The following MAP3K4 variants were observed in gnomAD, a reference collection of about 807,000 sequenced individuals.
MAP3K4 encodes mitogen-activated protein kinase kinase kinase 4.
Under a neutral mutation model 185.6 loss-of-function variants are expected in MAP3K4, and 67 were observed. The observed-to-expected ratio is 0.36, with a 90% CI of 0.30 to 0.44. The LOEUF (loss-of-function observed/expected upper bound fraction) is 0.44, where lower values mean the gene tolerates loss of function less well. Ranked by LOEUF, MAP3K4 falls within the 20% of genes least tolerant of loss-of-function variation. The pLI is 1.00. For synonymous variants in MAP3K4, 702 were observed against 710.4 expected (o/e 0.99, Z 0.19); for missense variants, 1,551 against 1,995.1 (o/e 0.78, Z 4.24).
intron 1 of MAP3K4, among the ~76,000 whole-genome samples, chr6:160,992,504 A>G (rs1780778673): frequency 1.3e-5 from 2 of 152,138 alleles, no homozygotes; most frequent in African/African-American, 4.8e-5. Flanking sequence ...ACATTCGGAA[A>G]TCGAGTGCGT....
chr6:161,095,817 A>G (rs1442621027), intron 15 of MAP3K4, among the ~76,000 whole-genome samples: 2 of 152,112 alleles, frequency 1.3e-5, no homozygotes, highest in Non-Finnish European at 2.9e-5. Context: ...AGCTATTTGA[A>G]TTTTCTTTCC....
In MAP3K4 at chr6:161,070,427, A is replaced by G. The variant is rs1313293316; in HGVS notation, c.1708-181A>G. Among the ~76,000 whole-genome samples the G allele has an allele frequency of 6.6e-6, 1 of 152,098 alleles. No individual in the cohort carries two copies. Among genetic ancestry groups the G allele is most frequent in the Non-Finnish European group, 1.5e-5 (1 of 68,018 alleles). ...TTCCAGCATTCTTAGAACTTTTTGG[A>G]TCTATGTTGAAAATGTTGAAGTTAT... is the stretch of plus-strand genomic sequence containing the variant. On this transcript the variant is annotated intron_variant, in intron 3 of 26. Coordinates refer to ENST00000392142, the MANE Select transcript of MAP3K4 (RefSeq NM_005922.4). This position sits in a 1 kb window ranked among gnomAD's most constrained non-coding sequence, Gnocchi z 4.5.
rs999014212 is a variant in MAP3K4 at position 161,048,422 on chromosome 6, A to C, written c.344-194A>C. On this transcript the variant is annotated intron_variant, in intron 2 of 26. Transcript: ENST00000392142. The surrounding 1 kb of genome is among the most constrained non-coding windows in gnomAD (Gnocchi z 4.7). ...ACAGCAAATACTGGAAAAATGGATA[A>C]TTTTTTTTAAAATATAGAAAATGTC... 3.1e-5 allele frequency: 19 copies of C among 610,264 alleles called. No individual in the cohort carries two copies. In the African/African-American group the frequency reaches 3.2e-4, roughly 10 times the overall value. 37.8% of individuals were successfully genotyped at this position (610,264 alleles called of 1,614,324 possible).
intron 1 of MAP3K4, among the ~76,000 whole-genome samples, chr6:161,018,810 C>T (rs1413797647): frequency 6.6e-6 from 1 of 151,784 alleles, no homozygotes; most frequent in African/African-American, 2.4e-5. Flanking sequence ...TAATTAGGCT[C>T]AAGTATTTAA....
At chr6:161,032,975 T>A (rs1167692520) in intron 1 of MAP3K4, among the ~76,000 whole-genome samples, 1 of 152,216 alleles carries the variant, frequency 6.6e-6, no homozygotes, top group African/African-American at 2.4e-5. Flanking sequence ...CTATTAGGGA[T>A]CTTTTGTAGA....
intron 1 of MAP3K4, among the ~76,000 whole-genome samples, chr6:161,032,448 G>A (rs767519360): frequency 4.6e-5 from 7 of 152,188 alleles, no homozygotes; most frequent in Non-Finnish European, 8.8e-5. Context: ...ATAGGAATAA[G>A]TATTTATAAG....
rs937819994 is a variant in MAP3K4, at chr6:161,048,804, T to C, written c.532T>C (p.Ser178Pro). 1 of 1,614,128 alleles carries C rather than the reference T, an allele frequency of 6.2e-7. No individual in the cohort carries two copies. Among genetic ancestry groups the C allele is most frequent in the South Asian group, 1.1e-5 (1 of 91,088 alleles). Residue 178 changes from serine (S) to proline (P), a missense_variant, in exon 3 of 27, where the codon TCA becomes CCA. Physicochemically the swap from Ser to Pro is moderately conservative, Grantham distance 74 (BLOSUM62 -1). This residue lies in a region of MAP3K4 where 287 missense variants were observed against 268.8 expected (regional missense o/e 1.07). Coordinates refer to ENST00000392142, the MANE Select transcript of MAP3K4 (RefSeq NM_005922.4). The surrounding 1 kb of genome is among the most constrained non-coding windows in gnomAD (Gnocchi z 4.7). ...AGTGGGTGGATCTTTGCCAAAAAAA[T>C]CAATTCCAGATGTGGATCTCAATAA... The part of the protein sequence containing the change: ...DSVGGSLPKK[S>P]IPDVDLNKPY...
intron 1 of MAP3K4, among the ~76,000 whole-genome samples, chr6:161,004,731 A>G (rs563701408): frequency 2.4e-4 from 36 of 152,380 alleles, no homozygotes; most frequent in Middle Eastern, 6.8e-3. Flanking sequence ...GAAAGTAAAC[A>G]TAAGTGGTAA....
In MAP3K4 at chr6:161,108,193, G is replaced by A. The variant is rs1319059747; in HGVS notation, c.4119+224G>A. Among the ~76,000 whole-genome samples, 2 of 152,230 alleles carry A rather than the reference G, an allele frequency of 1.3e-5. No individual in the cohort carries two copies. The highest frequency in any genetic ancestry group is 4.8e-5 in the African/African-American group (2 of 41,460). The stretch of plus-strand genomic sequence containing the variant: ...TAATAAGTCACAGACAGTTCTAACA[G>A]CACAGGTGTGAGAAGGGCCTATGAG... On this transcript the variant is annotated intron_variant, in intron 21 of 26. Coordinates refer to ENST00000392142, the MANE Select transcript of MAP3K4 (RefSeq NM_005922.4). This position sits in a 1 kb window ranked among gnomAD's most constrained non-coding sequence, Gnocchi z 5.7.
chr6:161,057,742 T>C (rs1784308491), intron 3 of MAP3K4, among the ~76,000 whole-genome samples: 1 of 152,254 alleles, frequency 6.6e-6, no homozygotes. Context: ...AGTTAACTTA[T>C]TACTTGTTTC....
rs564024225 is a variant in MAP3K4, at chr6:161,114,427, C to T, written c.4627-696C>T. On this transcript the variant is annotated intron_variant, in intron 25 of 26. Coordinates refer to ENST00000392142, the MANE Select transcript of MAP3K4 (RefSeq NM_005922.4). This position sits in a 1 kb window ranked among gnomAD's most constrained non-coding sequence, Gnocchi z 4.3. ...ATTATAATGTAGCTATGCCTTGCAG[C>T]TGCTGAAACAGATCACATATAAGTG... Among the ~76,000 whole-genome samples the T allele has an allele frequency of 3.0e-4, 45 of 152,280 alleles. 1 individual carries two copies. In the South Asian group the frequency reaches 8.1e-3, roughly 27 times the overall value.
intron 13 of MAP3K4, 60 bp downstream of exon 13, chr6:161,092,203 T>C: frequency 1.3e-6 from 2 of 1,588,100 alleles, no homozygotes; most frequent in East Asian, 2.2e-5. Context: ...TATTTGTTCA[T>C]ATATGTTCTG....
Position 160,991,809 on chromosome 6 carries a change from C to T in MAP3K4, c.-123C>T, listed in dbSNP as rs898272642. On this transcript the variant is annotated 5_prime_UTR_variant, in exon 1 of 27. The change creates a new upstream start codon in the 5' untranslated region. Transcript: ENST00000392142. The surrounding 1 kb of genome is among the most constrained non-coding windows in gnomAD (Gnocchi z 5.7). Reference sequence around the variant, plus strand: ...GTTTCCAAGATGGCCGCGGCGCGCACGGCTCCTGCGGCGGGGTAGAGGCGG... The same window carrying T: ...GTTTCCAAGATGGCCGCGGCGCGCATGGCTCCTGCGGCGGGGTAGAGGCGG... The T allele has an allele frequency of 1.4e-5, 16 of 1,114,280 alleles. No homozygotes were observed. Among genetic ancestry groups the T allele is most frequent in the South Asian group, 1.3e-4 (6 of 46,352 alleles). 69.0% of individuals were successfully genotyped at this position (1,114,280 alleles called of 1,614,324 possible).
intron 1 of MAP3K4, among the ~76,000 whole-genome samples, chr6:161,000,962 TAA>T: frequency 3.6e-5 from 5 of 138,202 alleles, no homozygotes; most frequent in Middle Eastern, 4.1e-3. Context: ...ATATTATATA[TAA>T]TATACACATA....
chr6:161,036,234 G>T (rs1783159988), intron 2 of MAP3K4, among the ~76,000 whole-genome samples: 1 of 152,154 alleles, frequency 6.6e-6, no homozygotes, highest in Non-Finnish European at 1.5e-5. Flanking sequence ...GCCAGAAGGA[G>T]CCTCAGAGAT....
At position 161,034,459 on chromosome 6, in the gene MAP3K4, G is replaced by C. The variant is rs9458105; in HGVS notation, c.343+10G>C. 2 of 1,612,054 alleles carry C rather than the reference G, an allele frequency of 1.2e-6. No individual in the cohort carries two copies. Among genetic ancestry groups the C allele is most frequent in the Non-Finnish European group, 1.7e-6 (2 of 1,178,564 alleles). On this transcript the variant is annotated intron_variant, in intron 2 of 26. Coordinates refer to ENST00000392142, the MANE Select transcript of MAP3K4 (RefSeq NM_005922.4). The surrounding 1 kb of genome is among the most constrained non-coding windows in gnomAD (Gnocchi z 4.4). ...CGGTCTAATTTGAAAGGTGAGTCTT[G>C]TACTTGAAAAGAGGTGTACATGAGA...
intron 1 of MAP3K4, among the ~76,000 whole-genome samples, chr6:161,000,781 C>A (rs1781234400): frequency 6.7e-6 from 1 of 148,808 alleles, no homozygotes; most frequent in African/African-American, 2.5e-5. Flanking sequence ...ATGTGTACAC[C>A]CATATATACA....
chr6:161,085,044 G>A (rs1583212547), intron 7 of MAP3K4, among the ~76,000 whole-genome samples: 1 of 152,020 alleles, frequency 6.6e-6, no homozygotes, highest in Admixed American at 6.6e-5. Flanking sequence ...CTATTCAGGA[G>A]GCTGAGGCAG....
intron 6 of MAP3K4, among the ~76,000 whole-genome samples, chr6:161,081,490 G>A (rs1032484049): frequency 6.6e-6 from 1 of 152,216 alleles, no homozygotes; most frequent in African/African-American, 2.4e-5. Flanking sequence ...GTGGGGACAT[G>A]CAGAACTTAA....
Sources: allele counts gnomAD v4.1 joint callset (sites outside exome capture counted in the v4.1 genomes callset), GRCh38; gene constraint gnomAD v4.1.1; regional missense constraint gnomAD v4.1.1; non-coding constraint Gnocchi (gnomAD v3.1); transcripts MANE v1.5; gene names NCBI Gene and HGNC (gene_info 2026-07-23, HGNC 2026-07-21).